ARNT: variants seen among roughly 807,000 people sequenced by gnomAD.
ARNT encodes aryl hydrocarbon receptor nuclear translocator, also known as class E basic helix-loop-helix protein 2.
Under a neutral mutation model 105.0 loss-of-function variants are expected in ARNT, and 30 were observed. That is an observed-to-expected ratio of 0.29 (90% CI 0.21 to 0.39). The LOEUF is 0.39. Ranked by LOEUF, ARNT falls within the 10% of genes least tolerant of loss-of-function variation. The probability of loss-of-function intolerance (pLI) is 1.00; values close to 1 mark genes in which losing one functional copy is unlikely to be tolerated. For missense variants in ARNT, 748 were observed against 978.7 expected (o/e 0.76, Z 3.15); for synonymous variants, 304 against 344.0 (o/e 0.88, Z 1.29).
At position 150,810,781 on chromosome 1, in the gene ARNT, G is replaced by A. The variant is rs912133981; in HGVS notation, c.*1240C>T. On this transcript the variant is annotated 3_prime_UTR_variant, in exon 22 of 22. Transcript: ENST00000358595. ...GGTGTCCAGGCCCCATCTATCATACGGAATTATGATACTTGCACTCTAAAG... is the reference window on the plus strand; with the variant it reads ...GGTGTCCAGGCCCCATCTATCATACAGAATTATGATACTTGCACTCTAAAG... 25 of 222,272 alleles carry A rather than the reference G, an allele frequency of 1.1e-4. 1 individual carries two copies. The highest frequency in any genetic ancestry group is 5.2e-4 in the East Asian group (8 of 15,324). 13.8% of individuals were successfully genotyped at this position (222,272 alleles called of 1,614,324 possible). A position where few individuals can be genotyped will look rare whatever the true frequency, so the allele number is the denominator to read the frequency against.
intron 1 of ARNT, among the ~76,000 whole-genome samples, chr1:150,873,067 A>G (rs895473610): frequency 6.6e-6 from 1 of 151,938 alleles, no homozygotes; most frequent in African/African-American, 2.4e-5. Context: ...GGCGGATCAC[A>G]AGGTCAGGAG....
chr1:150,876,281 G>C (rs1244223801), intron 1 of ARNT, among the ~76,000 whole-genome samples: 1 of 152,172 alleles, frequency 6.6e-6, no homozygotes, highest in African/African-American at 2.4e-5. Flanking sequence ...CCCCGCACTG[G>C]CTGCCGCTCC....
chr1:150,869,634 C>T (rs1667148829), intron 1 of ARNT, among the ~76,000 whole-genome samples: 1 of 151,288 alleles, frequency 6.6e-6, no homozygotes, highest in Non-Finnish European at 1.5e-5. Flanking sequence ...CAGCCCTGAC[C>T]TAGCAAGCTC....
In ARNT at chr1:150,856,544, C is replaced by T. The variant is rs894834095; in HGVS notation, c.137+1805G>A. The stretch of plus-strand genomic sequence containing the variant: ...TTGGGAGGCCAAGGTGGGCATATCA[C>T]CTGAGGTCAGGAGTTCGAGACCAGC... On this transcript the variant is annotated intron_variant, in intron 2 of 21. Coordinates refer to ENST00000358595, the MANE Select transcript of ARNT (RefSeq NM_001668.4). 1.6e-3 allele frequency among the ~76,000 whole-genome samples: 240 copies of T among 152,120 alleles called. 3 individuals are homozygous for T. Among genetic ancestry groups the T allele is most frequent in the Admixed American group, 0.016 (237 of 15,278 alleles).
chr1:150,823,176 C>T lies in ARNT; in HGVS notation c.1394+18G>A. ...ACAGAGGAAAAACAGTTTTTTCACACTCCTGTATAATACATACTTCACATT... is the reference window on the plus strand; with the variant it reads ...ACAGAGGAAAAACAGTTTTTTCACATTCCTGTATAATACATACTTCACATT... On this transcript the variant is annotated intron_variant, in intron 14 of 21. Coordinates refer to ENST00000358595, the MANE Select transcript of ARNT (RefSeq NM_001668.4). The T allele has an allele frequency of 6.4e-7, 1 of 1,567,286 alleles. No homozygotes were observed. Among genetic ancestry groups the T allele is most frequent in the Non-Finnish European group, 8.7e-7 (1 of 1,149,494 alleles).
In ARNT at chr1:150,846,279, T is replaced by C; in HGVS notation, c.211A>G (p.Lys71Glu). The C allele has an allele frequency of 6.2e-7, 1 of 1,613,734 alleles. No individual in the cohort carries two copies. The highest frequency in any genetic ancestry group is 1.7e-5 in the Admixed American group (1 of 60,008). ...RCDDDQMSND[K>E]ERFARSDDEQ... ...CAATATTACCTGGCAAACCGCTCCT[T>C]ATCGTTAGACATCTGATCATCATCA... The change falls in exon 4 of 22, where the codon AAG (lysine) becomes GAG (glutamate). Residue 71 changes from lysine (K) to glutamate (E), a missense_variant. This residue lies in a region of ARNT where 93 missense variants were observed against 101.6 expected (regional missense o/e 0.92). Coordinates refer to ENST00000358595, the MANE Select transcript of ARNT (RefSeq NM_001668.4).
At position 150,813,971 on chromosome 1, in the gene ARNT, C is replaced by T. The variant is rs989673328; in HGVS notation, c.2113+106G>A. On this transcript the variant is annotated intron_variant, in intron 20 of 21. Coordinates refer to ENST00000358595, the MANE Select transcript of ARNT (RefSeq NM_001668.4). ...TAGATTGTCACCTTGCATTTCCCTA[C>T]AATCAGGTCAGTGTACCCACAACAC... 4 of 1,394,646 alleles carry T rather than the reference C, an allele frequency of 2.9e-6. No individual in the cohort carries two copies. In the African/African-American group the frequency reaches 5.8e-5, roughly 20 times the overall value. 86.4% of individuals were successfully genotyped at this position (1,394,646 alleles called of 1,614,324 possible).
At chr1:150,844,118 A>G (rs886587791) in intron 4 of ARNT, among the ~76,000 whole-genome samples, 13 of 152,236 alleles carry the variant, frequency 8.5e-5, no homozygotes, top group Non-Finnish European at 1.8e-4. Context: ...TGAAGCTTGA[A>G]AAACTATCCT....
At chr1:150,816,172 A>G in intron 19 of ARNT, 87 bp downstream of exon 19, 1 of 1,493,074 alleles carries the variant, frequency 6.7e-7, no homozygotes, top group Non-Finnish European at 9.0e-7. Flanking sequence ...AAGGTATTTA[A>G]AATAGAAAAC....
At chr1:150,849,189 G>C (rs1662837584) in intron 3 of ARNT, among the ~76,000 whole-genome samples, 1 of 151,566 alleles carries the variant, frequency 6.6e-6, no homozygotes, top group Non-Finnish European at 1.5e-5. Context: ...GGCAACAAGA[G>C]TGAAAATCAG....
At chr1:150,848,360 G>A (rs1662652696) in intron 3 of ARNT, among the ~76,000 whole-genome samples, 1 of 152,084 alleles carries the variant, frequency 6.6e-6, no homozygotes, top group African/African-American at 2.4e-5. Context: ...GGAGGCTGAG[G>A]CAGGAGAATA....
At chr1:150,840,755 A>T (rs1172236024) in intron 5 of ARNT, among the ~76,000 whole-genome samples, 1 of 152,212 alleles carries the variant, frequency 6.6e-6, no homozygotes, top group Non-Finnish European at 1.5e-5. Flanking sequence ...CACAGCTCCA[A>T]CACTGACTTC....
intron 1 of ARNT, among the ~76,000 whole-genome samples, chr1:150,862,712 T>TAAAAAA (rs56147665): frequency 1.5e-5 from 1 of 66,598 alleles, no homozygotes; most frequent in Non-Finnish European, 2.7e-5. Flanking sequence ...CCTGCCTCTG[T>TAAAAAA]AAAAAAAAAA....
chr1:150,814,400 CTT>C (rs952788529), intron 19 of ARNT, among the ~76,000 whole-genome samples, 161 bp from the exon 20 acceptor site: 5 of 152,166 alleles, frequency 3.3e-5, no homozygotes, highest in Non-Finnish European at 5.9e-5. Flanking sequence ...CTCAATCTCT[CTT>C]GACACTATTT....
intron 1 of ARNT, among the ~76,000 whole-genome samples, chr1:150,859,511 T>A (rs1430702340): frequency 4.6e-5 from 7 of 151,552 alleles, no homozygotes; most frequent in Admixed American, 4.6e-4. Flanking sequence ...CACACCTCGG[T>A]GATTTTTTTT....
intron 7 of ARNT, among the ~76,000 whole-genome samples, chr1:150,835,783 TAATAA>T (rs1660209959): frequency 5.9e-5 from 9 of 151,338 alleles, no homozygotes. Context: ...AGACTGAACA[TAATAA>T]AATAGGGGAG....
chr1:150,876,127 AG>A (rs1008276041), intron 1 of ARNT, among the ~76,000 whole-genome samples: 6 of 152,248 alleles, frequency 3.9e-5, no homozygotes, highest in African/African-American at 1.2e-4. Flanking sequence ...AGTGTGGTCC[AG>A]GGTTTATGAA....
intron 1 of ARNT, among the ~76,000 whole-genome samples, chr1:150,866,859 G>C (rs1053078424): frequency 2.0e-5 from 3 of 152,170 alleles, no homozygotes; most frequent in African/African-American, 7.2e-5. Context: ...AGGAAGAACA[G>C]CAGATTTAAA....
intron 14 of ARNT, 51 bp from the exon 15 acceptor site, chr1:150,818,081 GGA>G (rs769898123): frequency 1.7e-4 from 200 of 1,158,572 alleles, no homozygotes; most frequent in South Asian, 2.2e-4. Flanking sequence ...GAGGAAGGGG[GGA>G]GAGAGAGAGA....
Sources: gnomAD v4.1 joint callset for allele counts (sites outside exome capture counted in the v4.1 genomes callset) on GRCh38, gnomAD v4.1.1 for gene constraint, gnomAD v4.1.1 regional missense constraint, MANE v1.5 for transcripts, NCBI Gene and HGNC (gene_info 2026-07-23, HGNC 2026-07-21) for gene names.